CCDC178: variants seen among roughly 807,000 people sequenced by gnomAD.
CCDC178 encodes coiled-coil domain-containing protein 178.
A neutral mutation model predicts 117.4 loss-of-function variants in CCDC178; 126 were observed. That is an observed-to-expected ratio of 1.07 (90% CI 0.93 to 1.24). The LOEUF (loss-of-function observed/expected upper bound fraction) is 1.24, where lower values mean the gene tolerates loss of function less well. Ranked by LOEUF, CCDC178 falls within the 50% of genes most tolerant of loss-of-function variation. CCDC178 has a pLI of 0.00. For missense variants in CCDC178, 1,030 were observed against 986.9 expected (o/e 1.04, Z -0.59); for synonymous variants, 283 against 313.4 (o/e 0.90, Z 1.02).
intron 21 of CCDC178, among the ~76,000 whole-genome samples, chr18:33,086,333 T>C (rs1384730640): frequency 2.0e-5 from 3 of 151,170 alleles, no homozygotes. Context: ...ATCATGAAAG[T>C]AGAGTTTGTG....
At chr18:33,190,949 C>T (rs1426334419) in intron 20 of CCDC178, among the ~76,000 whole-genome samples, 3 of 152,138 alleles carry the variant, frequency 2.0e-5, no homozygotes, top group African/African-American at 7.2e-5. Context: ...TTTGCCCCTC[C>T]ATCAGCAATT....
At chr18:33,132,886 A>G (rs571982375) in intron 20 of CCDC178, among the ~76,000 whole-genome samples, 1 of 151,822 alleles carries the variant, frequency 6.6e-6, no homozygotes, top group African/African-American at 2.4e-5. Context: ...AGAATTAAGA[A>G]AGAAAACTTT....
intron 21 of CCDC178, among the ~76,000 whole-genome samples, chr18:32,988,144 AGTT>A (rs1042155805): frequency 6.7e-6 from 1 of 150,286 alleles, no homozygotes; most frequent in African/African-American, 2.4e-5. Context: ...AATCATAAAA[AGTT>A]GTTGGCTGAC....
intron 21 of CCDC178, among the ~76,000 whole-genome samples, chr18:33,058,603 G>T (rs2056868500): frequency 2.0e-5 from 3 of 152,292 alleles, no homozygotes; most frequent in African/African-American, 7.2e-5. Flanking sequence ...TAGTTTTATG[G>T]AAATAAGTCT....
intron 20 of CCDC178, among the ~76,000 whole-genome samples, chr18:33,176,290 A>G (rs1198500138): frequency 6.6e-6 from 1 of 152,170 alleles, no homozygotes; most frequent in Non-Finnish European, 1.5e-5. Context: ...CAAAGATTAT[A>G]TCCATAGCTC....
intron 11 of CCDC178, among the ~76,000 whole-genome samples, chr18:33,322,577 G>A (rs577245910): frequency 3.3e-5 from 5 of 151,592 alleles, no homozygotes; most frequent in African/African-American, 1.2e-4. Context: ...AAATTAATTA[G>A]AACTCAACAT....
At chr18:33,135,125 T>C (rs1440421965) in intron 20 of CCDC178, among the ~76,000 whole-genome samples, 1 of 152,118 alleles carries the variant, frequency 6.6e-6, no homozygotes, top group Admixed American at 6.6e-5. Context: ...TAAATATAAA[T>C]TGAAGTTAAG....
Position 33,411,960 on chromosome 18 carries a change from C to G in CCDC178, c.58+71G>C, listed in dbSNP as rs1181593382. On this transcript the variant is annotated intron_variant, in intron 3 of 22. Coordinates refer to ENST00000383096, the MANE Select transcript of CCDC178 (RefSeq NM_001105528.4). ...GATTACTATCTTTGCAGTTGCCCTC[C>G]TCTGTAAGTGATGTGAATTCCATTT... 6 of 801,246 alleles carry G rather than the reference C, an allele frequency of 7.5e-6. No homozygotes were observed. In the South Asian group the frequency reaches 7.7e-5, roughly 10 times the overall value. 49.6% of individuals were successfully genotyped at this position (801,246 alleles called of 1,614,324 possible). A position where few individuals can be genotyped will look rare whatever the true frequency, so the allele number is the denominator to read the frequency against.
chr18:33,297,227 A>G (rs1227587084), intron 11 of CCDC178, among the ~76,000 whole-genome samples: 1 of 152,184 alleles, frequency 6.6e-6, no homozygotes, highest in Non-Finnish European at 1.5e-5. Flanking sequence ...AAATGACTAT[A>G]GCAAAAACTA....
intron 20 of CCDC178, among the ~76,000 whole-genome samples, chr18:33,139,484 G>A (rs561309395): frequency 2.0e-5 from 3 of 152,312 alleles, no homozygotes; most frequent in African/African-American, 7.2e-5. Context: ...ATTCCAGGCT[G>A]AGGTGGTCTC....
Position 33,267,073 on chromosome 18 carries a change from A to G in CCDC178, c.1273-21T>C, listed in dbSNP as rs780223332. ...TTTTTCTTTAAGAAAAGAATAAAAGAATCATTCATACATGTCTAATTATCA... is the reference window on the plus strand; with the variant it reads ...TTTTTCTTTAAGAAAAGAATAAAAGGATCATTCATACATGTCTAATTATCA... On this transcript the variant is annotated intron_variant, in intron 13 of 22. Transcript: ENST00000383096. 3 of 1,570,218 alleles carry G rather than the reference A, an allele frequency of 1.9e-6. No individual in the cohort carries two copies. The South Asian group carries it at 3.6e-5, about 19-fold the overall frequency.
At chr18:33,409,479 A>T (rs2063822435) in intron 3 of CCDC178, among the ~76,000 whole-genome samples, 1 of 152,200 alleles carries the variant, frequency 6.6e-6, no homozygotes, top group East Asian at 1.9e-4. Context: ...TATTTCGGAT[A>T]ATTTTAAAAG....
At chr18:33,381,492 T>A (rs945774061) in intron 5 of CCDC178, among the ~76,000 whole-genome samples, 1 of 152,230 alleles carries the variant, frequency 6.6e-6, no homozygotes, top group Non-Finnish European at 1.5e-5. Flanking sequence ...CTCTGAACCA[T>A]CTTCACATTT....
Position 33,163,850 on chromosome 18 carries a change from A to AT in CCDC178, c.2238+48045dup, listed in dbSNP as rs574234352. On this transcript the variant is annotated intron_variant, in intron 20 of 22. Transcript: ENST00000383096. ...AAAAGAGTGTTACTGTGCAGCAATA[A>AT]TTTTTCCAATCATATTGCATAAAAT... 2.6e-4 allele frequency among the ~76,000 whole-genome samples: 39 copies of AT among 152,230 alleles called. 1 individual carries two copies. In the South Asian group the frequency reaches 8.1e-3, roughly 32 times the overall value.
chr18:32,964,795 G>C (rs1005875587), intron 22 of CCDC178, among the ~76,000 whole-genome samples: 2 of 151,836 alleles, frequency 1.3e-5, no homozygotes, highest in African/African-American at 4.8e-5. Context: ...ATATCCCATA[G>C]AAAGAGAGAT....
intron 20 of CCDC178, among the ~76,000 whole-genome samples, chr18:33,152,139 G>A (rs1456202678): frequency 6.6e-6 from 1 of 151,970 alleles, no homozygotes; most frequent in African/African-American, 2.4e-5. Context: ...GGAGTGAAGA[G>A]ATAAATATAT....
chr18:33,148,662 T>C (rs1476402386), intron 20 of CCDC178, among the ~76,000 whole-genome samples: 1 of 152,172 alleles, frequency 6.6e-6, no homozygotes. Context: ...ATTTCCACAA[T>C]GAAACACTAG....
intron 18 of CCDC178, among the ~76,000 whole-genome samples, chr18:33,217,795 T>A (rs995879662): frequency 2.0e-5 from 3 of 152,034 alleles, no homozygotes; most frequent in Non-Finnish European, 4.4e-5. Flanking sequence ...CAAACTTGGG[T>A]GACATGACCA....
chr18:33,275,220 G>A (rs966683201), intron 12 of CCDC178, among the ~76,000 whole-genome samples: 2 of 151,938 alleles, frequency 1.3e-5, no homozygotes, highest in Admixed American at 1.3e-4. Context: ...TGGGAAAAAT[G>A]AGAGAAATCA....
Sources: gnomAD v4.1 joint callset for allele counts (sites outside exome capture counted in the v4.1 genomes callset) on GRCh38, gnomAD v4.1.1 for gene constraint, MANE v1.5 for transcripts, NCBI Gene and HGNC (gene_info 2026-07-23, HGNC 2026-07-21) for gene names.